The following P2RY10 variants were observed in gnomAD, a reference collection of about 807,000 sequenced individuals.
The protein encoded by P2RY10 is putative P2Y purinoceptor 10.
P2RY10 carries 4 observed loss-of-function variants against 12.1 expected under a neutral mutation model. That is an observed-to-expected ratio of 0.33 (90% CI 0.16 to 0.76). P2RY10 has a LOEUF of 0.76. P2RY10 is among the 30% of genes least tolerant of loss of function. The pLI is 0.61. For synonymous variants in P2RY10, 112 were observed against 94.1 expected, an observed-to-expected ratio of 1.19 and a Z score of -1.10; for missense variants, 233 against 264.6, an observed-to-expected ratio of 0.88 and a Z score of 0.83.
At chrX:78,949,714 T>C (rs991097839) in intron 2 of P2RY10, among the ~76,000 whole-genome samples, 1 of 112,381 alleles carries the variant, frequency 8.9e-6, no homozygotes, top group Non-Finnish European at 1.9e-5. Context: ...TCACTTCCTC[T>C]AACAGAAGAA....
chrX:78,960,395 T>C (rs1922548358), intron 3 of P2RY10, 113 bp from the exon 4 acceptor site: 5 of 559,070 alleles, frequency 8.9e-6, no homozygotes, highest in Non-Finnish European at 1.1e-5. Flanking sequence ...TATGTAAACA[T>C]GTCTCTTCTA....
Position 78,962,813 on chromosome X carries a change from A to G in P2RY10, c.*1273A>G, listed in dbSNP as rs1050953905. Among the ~76,000 whole-genome samples the G allele has an allele frequency of 2.7e-5, 3 of 111,964 alleles. No homozygotes were observed. The highest frequency in any genetic ancestry group is 4.6e-3 in the Middle Eastern group (1 of 217). ...AACCCTGTGGAGTGATAAACATTCT[A>G]TAAAACCTGGAAATTTGTGTGGAGT... On this transcript the variant is annotated 3_prime_UTR_variant, in exon 4 of 4. Coordinates refer to ENST00000171757, the MANE Select transcript of P2RY10 (RefSeq NM_014499.4).
intron 3 of P2RY10, among the ~76,000 whole-genome samples, chrX:78,958,036 A>C (rs374768023): frequency 1.8e-5 from 2 of 112,678 alleles, no homozygotes; most frequent in South Asian, 3.7e-4. Flanking sequence ...TTGCTCTCTC[A>C]CTGCCTGTGT....
chrX:78,955,261 C>T (rs906995129), intron 3 of P2RY10, among the ~76,000 whole-genome samples: 3 of 80,124 alleles, frequency 3.7e-5, no homozygotes, highest in African/African-American at 1.4e-4. Context: ...AAATGTTACC[C>T]CTATGGGGAC....
intron 1 of P2RY10, among the ~76,000 whole-genome samples, chrX:78,947,325 C>T (rs1921890122): frequency 8.9e-6 from 1 of 111,907 alleles, no homozygotes; most frequent in Non-Finnish European, 1.9e-5. Flanking sequence ...TCTAAAAGCA[C>T]TAACAATCAG....
rs1216076501 is a variant in P2RY10, at chrX:78,962,067, G to A, written c.*527G>A. The A allele has an allele frequency of 8.8e-6, 1 of 114,078 alleles. No homozygotes were observed. Among genetic ancestry groups the A allele is most frequent in the Non-Finnish European group, 1.9e-5 (1 of 53,324 alleles). 9.4% of individuals were successfully genotyped at this position (114,078 alleles called of 1,213,427 possible). ...AAGCCTGTTATTAAAGAAAAGGCAT[G>A]GAAATTCATTCATTCCTTGAAAATG... On this transcript the variant is annotated 3_prime_UTR_variant, in exon 4 of 4. Coordinates refer to ENST00000171757, the MANE Select transcript of P2RY10 (RefSeq NM_014499.4).
At chrX:78,946,492 A>C (rs1407602999) in intron 1 of P2RY10, among the ~76,000 whole-genome samples, 1 of 112,181 alleles carries the variant, frequency 8.9e-6, no homozygotes, top group African/African-American at 3.2e-5. Flanking sequence ...ATAGAATGAT[A>C]CCAGATTTGG....
At chrX:78,946,103 G>T (rs756991754) in intron 1 of P2RY10, among the ~76,000 whole-genome samples, 4 of 111,501 alleles carry the variant, frequency 3.6e-5, no homozygotes, top group Admixed American at 9.5e-5. Context: ...TAGTGGTATA[G>T]GTGGATCTAG....
chrX:78,952,785 G>T (rs753022246), intron 3 of P2RY10, among the ~76,000 whole-genome samples: 1 of 111,784 alleles, frequency 8.9e-6, no homozygotes, highest in East Asian at 2.8e-4. Context: ...AAAATTATGC[G>T]TGTTAGAAAA....
At chrX:78,951,603 C>T (rs1352692468) in intron 2 of P2RY10, among the ~76,000 whole-genome samples, 3 of 110,620 alleles carry the variant, frequency 2.7e-5, no homozygotes, top group East Asian at 2.8e-4. Flanking sequence ...AGTTGAGATG[C>T]GATATTGAGA....
intron 3 of P2RY10, among the ~76,000 whole-genome samples, chrX:78,952,685 T>C (rs1041731328): frequency 9.0e-6 from 1 of 111,014 alleles, no homozygotes; most frequent in Non-Finnish European, 1.9e-5. Context: ...TGAAAGAGAA[T>C]CCTGAGGGAG....
rs1921784788 is a variant in P2RY10 at position 78,945,421 on chromosome X, T to A, written c.-280T>A. 8.9e-6 allele frequency: 1 copy of A among 112,076 alleles called. No individual in the cohort carries two copies. The highest frequency in any genetic ancestry group is 9.4e-5 in the Admixed American group (1 of 10,592). The allele number at this position is 112,076 out of a possible 1,213,427, so 9.2% of individuals were successfully genotyped here. On this transcript the variant is annotated 5_prime_UTR_variant, in exon 1 of 4. An upstream start codon of the reference 5' UTR is lost. Transcript: ENST00000171757. ...ATGTGTCAGTTATCAGCAGGATCCA[T>A]GCCGCCAGAGTAAAGCTTTCTACCC...
At chrX:78,950,300 C>G (rs1922049755) in intron 2 of P2RY10, among the ~76,000 whole-genome samples, 1 of 110,295 alleles carries the variant, frequency 9.1e-6, no homozygotes, top group Non-Finnish European at 1.9e-5. Flanking sequence ...TGAAATCATA[C>G]CAAATGAGAG....
intron 3 of P2RY10, among the ~76,000 whole-genome samples, chrX:78,957,387 CAGAG>C (rs1555965494): frequency 1.6e-3 from 124 of 75,792 alleles, no homozygotes; most frequent in South Asian, 4.0e-3. Flanking sequence ...CACACACACA[CAGAG>C]AGAGAGAGAG....
rs186548823 is a variant in P2RY10, at chrX:78,961,345, C to T, written c.825C>T (p.Ser275=). The part of the protein sequence containing the change: ...FYTMVKETII[S]SCPVVRIALY... ...CCATGGTAAAGGAAACCATCATTAGCAGTTGTCCCGTTGTCCGAATCGCAC... is the reference window on the plus strand; with the variant it reads ...CCATGGTAAAGGAAACCATCATTAGTAGTTGTCCCGTTGTCCGAATCGCAC... Residue 275 remains serine (S), a synonymous_variant, in exon 4 of 4, where the codon AGC becomes AGT. Transcript: ENST00000171757. 22 of 1,209,010 alleles carry T rather than the reference C, an allele frequency of 1.8e-5. No individual in the cohort carries two copies. The African/African-American group carries it at 2.5e-4, about 13-fold the overall frequency.
At chrX:78,953,246 A>T (rs1922187112) in intron 3 of P2RY10, among the ~76,000 whole-genome samples, 1 of 111,880 alleles carries the variant, frequency 8.9e-6, no homozygotes, top group African/African-American at 3.3e-5. Context: ...ACACAGGAGG[A>T]AATAAGATGA....
At chrX:78,951,746 T>C (rs180958723) in intron 2 of P2RY10, among the ~76,000 whole-genome samples, 185 of 111,984 alleles carry the variant, frequency 1.7e-3, no homozygotes, top group African/African-American at 5.5e-3. Context: ...TTTTTGTTTT[T>C]TTGCCCATAT....
chrX:78,960,714 A>G lies in P2RY10; in HGVS notation c.194A>G (p.Lys65Arg). 8.3e-7 allele frequency: 1 copy of G among 1,210,613 alleles called. No homozygotes were observed. Among genetic ancestry groups the G allele is most frequent in the Non-Finnish European group, 1.1e-6 (1 of 894,489 alleles). Reference protein sequence around the residue: ...ALWVLCRFISKKNKAIIFMIN... With the variant: ...ALWVLCRFISRKNKAIIFMIN... ...TGGGTTCTGTGCCGCTTCATCAGCAAGAAAAATAAAGCCATCATTTTCATG... is the reference window on the plus strand; with the variant it reads ...TGGGTTCTGTGCCGCTTCATCAGCAGGAAAAATAAAGCCATCATTTTCATG... The change falls in exon 4 of 4, where the codon AAG becomes AGG. Residue 65 changes from lysine (K) to arginine (R), a missense_variant. Transcript: ENST00000171757.
At chrX:78,952,147 C>T (rs1715822450) in intron 2 of P2RY10, 46 bp from the exon 3 acceptor site, 2 of 648,744 alleles carry the variant, frequency 3.1e-6, no homozygotes, top group Non-Finnish European at 1.8e-6. Context: ...TAAGTGAATC[C>T]TGTTATTTCA....
Sources: allele counts gnomAD v4.1 joint callset (sites outside exome capture counted in the v4.1 genomes callset), GRCh38; gene constraint gnomAD v4.1.1; transcripts MANE v1.5; gene names NCBI Gene and HGNC (gene_info 2026-07-23, HGNC 2026-07-21).